The following RAPGEF1 variants were observed in gnomAD, a reference collection of about 807,000 sequenced individuals.
The protein encoded by RAPGEF1 is Rap guanine nucleotide exchange factor 1.
In RAPGEF1, 33 loss-of-function variants were observed where a neutral mutation model predicts 143.3. The observed-to-expected ratio is 0.23, with a 90% confidence interval of 0.17 to 0.31. The LOEUF (loss-of-function observed/expected upper bound fraction) is 0.31. RAPGEF1 is among the 10% of genes least tolerant of loss of function. The pLI is 1.00. For synonymous variants in RAPGEF1, 629 were observed against 676.5 expected (o/e 0.93, Z 1.09); for missense variants, 1,199 against 1,645.4 (o/e 0.73, Z 4.69).
chr9:131,679,299 T>A (rs1354211930), intron 1 of RAPGEF1, among the ~76,000 whole-genome samples: 1 of 152,172 alleles, frequency 6.6e-6, no homozygotes, highest in Non-Finnish European at 1.5e-5. Context: ...TGTCCTTCCA[T>A]AAAAGAACAC....
rs1463826499 is a variant in RAPGEF1 at position 131,626,192 on chromosome 9, G to A, written c.1432C>T (p.Arg478Cys). ...DTPPALPEKK[R>C]RSAASQTADG... ...GCCGTCTGGGAGGCTGCGCTCCTGC[G>A]CTTCTTCTCGGGGAGAGCAGGTGGC... Residue 478 changes from arginine (R) to cysteine (C), a missense_variant, in exon 10 of 27, where the codon CGC becomes TGC. Transcript: ENST00000683357. 5 of 1,613,946 alleles carry A rather than the reference G, an allele frequency of 3.1e-6. No homozygotes were observed. The highest frequency in any genetic ancestry group is 3.4e-6 in the Non-Finnish European group (4 of 1,179,848).
intron 1 of RAPGEF1, among the ~76,000 whole-genome samples, chr9:131,730,368 C>T (rs1836967187): frequency 6.6e-6 from 1 of 151,908 alleles, no homozygotes; most frequent in Non-Finnish European, 1.5e-5. Context: ...ACCCCACATA[C>T]TGCAGTCTAG....
chr9:131,671,129 C>T (rs1183688656), intron 1 of RAPGEF1, among the ~76,000 whole-genome samples: 1 of 152,244 alleles, frequency 6.6e-6, no homozygotes, highest in Non-Finnish European at 1.5e-5. Flanking sequence ...AACTCAGTTG[C>T]TTTACTCTAG....
intron 12 of RAPGEF1, among the ~76,000 whole-genome samples, chr9:131,613,982 G>A (rs1327529288): frequency 6.6e-6 from 1 of 152,186 alleles, no homozygotes; most frequent in East Asian, 1.9e-4. Flanking sequence ...TACGTACTAC[G>A]TGAGCTACGC....
chr9:131,640,723 C>T (rs1045438678), intron 4 of RAPGEF1, among the ~76,000 whole-genome samples: 9 of 152,092 alleles, frequency 5.9e-5, no homozygotes, highest in South Asian at 2.1e-4. Flanking sequence ...GAGGTGAGGG[C>T]GGCAAAGGGC....
intron 12 of RAPGEF1, among the ~76,000 whole-genome samples, chr9:131,609,665 G>A (rs73559646): frequency 0.023 from 3,433 of 152,308 alleles, 134 homozygotes; most frequent in African/African-American, 0.077. Context: ...ACTGGGCCCC[G>A]GAGTCGAAAC....
Position 131,736,254 on chromosome 9 carries a change from C to T in RAPGEF1, c.61+3516G>A, listed in dbSNP as rs1032248395. ...CTAATCTGTCCAGCTCTCTTCTACT[C>T]CCTACCTCCTCGTCATCTCTAGAAG... On this transcript the variant is annotated intron_variant, in intron 1 of 26. Coordinates refer to ENST00000683357, the MANE Select transcript of RAPGEF1 (RefSeq NM_001377935.1). 2.0e-5 allele frequency among the ~76,000 whole-genome samples: 3 copies of T among 152,296 alleles called. No homozygotes were observed. The East Asian group carries it at 5.8e-4, about 29-fold the overall frequency.
chr9:131,604,187 T>TAGCACAGAGGCAAGAGG, intron 13 of RAPGEF1, 134 bp from the exon 14 acceptor site: 2 of 433,624 alleles, frequency 4.6e-6, no homozygotes, highest in Non-Finnish European at 8.6e-6. Context: ...TTGCCACCTC[T>TAGCACAGAGGCAAGAGG]TGCCTCTGTG....
chr9:131,602,520 C>T (rs545046673), intron 14 of RAPGEF1, among the ~76,000 whole-genome samples: 18 of 152,330 alleles, frequency 1.2e-4, no homozygotes, highest in African/African-American at 4.1e-4. Flanking sequence ...CTAACACCAT[C>T]GTCCCCACTC....
intron 1 of RAPGEF1, among the ~76,000 whole-genome samples, chr9:131,692,812 G>GA (rs1179863047): frequency 6.6e-6 from 1 of 152,214 alleles, no homozygotes; most frequent in Admixed American, 6.5e-5. Flanking sequence ...CTAGTCATGG[G>GA]ATGGTAGGTA....
At position 131,609,829 on chromosome 9, in the gene RAPGEF1, T is replaced by C. The variant is rs571242532; in HGVS notation, c.2062-4641A>G. On this transcript the variant is annotated intron_variant, in intron 12 of 26. Transcript: ENST00000683357. Reference sequence around the variant, plus strand: ...CGGTGACACCTTCTCTCTATTATAGTCCTGGCATGGAAAAAGGATTAGGGA... The same window carrying C: ...CGGTGACACCTTCTCTCTATTATAGCCCTGGCATGGAAAAAGGATTAGGGA... 2.1e-4 allele frequency among the ~76,000 whole-genome samples: 32 copies of C among 152,262 alleles called. No individual in the cohort carries two copies. The South Asian group carries it at 6.6e-3, about 32-fold the overall frequency.
At chr9:131,713,669 G>T (rs1835664748) in intron 1 of RAPGEF1, among the ~76,000 whole-genome samples, 1 of 152,106 alleles carries the variant, frequency 6.6e-6, no homozygotes, top group Admixed American at 6.5e-5. Flanking sequence ...ATTCAGACTT[G>T]GGAGGCTGAG....
chr9:131,702,052 T>C (rs887568168), intron 1 of RAPGEF1, among the ~76,000 whole-genome samples: 25 of 152,212 alleles, frequency 1.6e-4, no homozygotes, highest in Admixed American at 1.6e-3. Flanking sequence ...CAAACTACCC[T>C]CCCAGCAAAC....
In RAPGEF1 at chr9:131,619,069, G is replaced by A. The variant is rs1443676026; in HGVS notation, c.2043C>T (p.Gly681=). Residue 681 remains glycine, a synonymous_variant, in exon 12 of 27, where the codon GGC becomes GGT. Coordinates refer to ENST00000683357, the MANE Select transcript of RAPGEF1 (RefSeq NM_001377935.1). ...AACTCACCGAGGGCACGGGCAAGCT[G>A]CCGTGCCGGCTGAGAAAGGAGTTAG... is the stretch of plus-strand genomic sequence containing the variant. The part of the protein sequence containing the change: ...SVSNSFLSRH[G]SLPVPSYKSV... 1 of 1,359,364 alleles carries A rather than the reference G, an allele frequency of 7.4e-7. No homozygotes were observed. The highest frequency in any genetic ancestry group is 1.2e-5 in the South Asian group (1 of 86,250). The allele number at this position is 1,359,364 out of a possible 1,614,324, so 84.2% of individuals were successfully genotyped here.
intron 5 of RAPGEF1, among the ~76,000 whole-genome samples, chr9:131,632,944 G>A (rs922887896): frequency 2.6e-5 from 4 of 152,186 alleles, no homozygotes; most frequent in African/African-American, 9.7e-5. Context: ...TTGGGCTCAA[G>A]TGATCCTCCT....
chr9:131,699,239 CTTTTTT>C (rs35856609), intron 1 of RAPGEF1, among the ~76,000 whole-genome samples: 2 of 124,806 alleles, frequency 1.6e-5, no homozygotes, highest in Admixed American at 1.7e-4. Context: ...TCCACTGACA[CTTTTTT>C]TTTTTTTTTT....
chr9:131,616,979 CCTTGGTGGG>C (rs1959107159), intron 12 of RAPGEF1, among the ~76,000 whole-genome samples: 1 of 152,140 alleles, frequency 6.6e-6, no homozygotes, highest in Non-Finnish European at 1.5e-5. Flanking sequence ...CCCTCAGGCT[CCTTGGTGGG>C]CTTTTTGCTA....
At position 131,577,323 on chromosome 9, in the gene RAPGEF1, C is replaced by T. The variant is rs1951328255; in HGVS notation, c.*2174G>A. The T allele has an allele frequency of 6.6e-6, 1 of 152,394 alleles. No homozygotes were observed. Among genetic ancestry groups the T allele is most frequent in the African/African-American group, 2.4e-5 (1 of 41,484 alleles). 9.4% of individuals were successfully genotyped at this position (152,394 alleles called of 1,614,324 possible). On this transcript the variant is annotated 3_prime_UTR_variant, in exon 27 of 27. Transcript: ENST00000683357. Reference sequence around the variant, plus strand: ...GGGCCTGGGGAATTGCCTGGGCACACTGGGGCCAGGCACAGGGTCTGTTCT... The same window carrying T: ...GGGCCTGGGGAATTGCCTGGGCACATTGGGGCCAGGCACAGGGTCTGTTCT...
intron 1 of RAPGEF1, among the ~76,000 whole-genome samples, chr9:131,734,963 A>G (rs979782444): frequency 2.6e-5 from 4 of 152,156 alleles, no homozygotes; most frequent in African/African-American, 7.2e-5. Flanking sequence ...GACAGGAGCT[A>G]CAGCGCTGGC....
Sources: gnomAD v4.1 joint callset for allele counts (sites outside exome capture counted in the v4.1 genomes callset) on GRCh38, gnomAD v4.1.1 for gene constraint, MANE v1.5 for transcripts, NCBI Gene and HGNC (gene_info 2026-07-23, HGNC 2026-07-21) for gene names.